LDLRAD4: variants seen among roughly 807,000 people sequenced by gnomAD.
LDLRAD4 encodes low density lipoprotein receptor class A domain containing 4, also known as low-density lipoprotein receptor class A domain-containing protein 4.
LDLRAD4 carries 5 observed loss-of-function variants against 17.0 expected under a neutral mutation model. The observed-to-expected ratio is 0.29, with a 90% CI of 0.15 to 0.62. The LOEUF (loss-of-function observed/expected upper bound fraction) is 0.62, where lower values mean the gene tolerates loss of function less well. LDLRAD4 is among the 20% of genes least tolerant of loss of function. The probability of loss-of-function intolerance (pLI) is 0.84; values close to 1 mark genes in which losing one functional copy is unlikely to be tolerated. For synonymous variants in LDLRAD4, 168 were observed against 171.8 expected, an observed-to-expected ratio of 0.98 and a Z score of 0.17; for missense variants, 340 against 424.7, an observed-to-expected ratio of 0.80 and a Z score of 1.75.
At chr18:13,449,292 C>T (rs777409770) in intron 3 of LDLRAD4, among the ~76,000 whole-genome samples, 3 of 152,196 alleles carry the variant, frequency 2.0e-5, no homozygotes, top group Non-Finnish European at 4.4e-5. Flanking sequence ...TTGCTGTTCA[C>T]ACCAGGACCA....
At chr18:13,387,848 C>T in intron 2 of LDLRAD4, 86 bp downstream of exon 3, 1 of 1,236,380 alleles carries the variant, frequency 8.1e-7, no homozygotes, top group Non-Finnish European at 1.2e-6. Context: ...GTGAACCTAC[C>T]TTTGCAGTCA....
At chr18:13,364,473 G>A (rs1019114822) in intron 1 of LDLRAD4, among the ~76,000 whole-genome samples, 2 of 152,084 alleles carry the variant, frequency 1.3e-5, no homozygotes, top group African/African-American at 4.8e-5. Context: ...GAGTAGCTGG[G>A]ACTAACAGCA....
intron 3 of LDLRAD4, among the ~76,000 whole-genome samples, chr18:13,494,486 TA>T (rs1360798054): frequency 6.6e-6 from 1 of 150,810 alleles, no homozygotes; most frequent in Admixed American, 6.7e-5. Flanking sequence ...TCTGCCCTCA[TA>T]AGACATCTTC....
chr18:13,452,520 A>G (rs914636382), intron 3 of LDLRAD4, among the ~76,000 whole-genome samples: 1 of 152,152 alleles, frequency 6.6e-6, no homozygotes, highest in Admixed American at 6.5e-5. Context: ...GAAGAACTCC[A>G]GTGCACAGGA....
intron 3 of LDLRAD4, among the ~76,000 whole-genome samples, chr18:13,590,061 C>CGGTG (rs2094993943): frequency 1.4e-5 from 2 of 143,728 alleles, no homozygotes; most frequent in African/African-American, 5.3e-5. Flanking sequence ...ATGTGTGTGA[C>CGGTG]TGCATGTGTG....
chr18:13,252,850 T>G (rs1001041061), intron 1 of LDLRAD4, among the ~76,000 whole-genome samples: 1 of 152,222 alleles, frequency 6.6e-6, no homozygotes, highest in African/African-American at 2.4e-5. Flanking sequence ...TGCGGAGCAG[T>G]GTTGCGCTGT....
intron 2 of LDLRAD4, among the ~76,000 whole-genome samples, chr18:13,388,028 C>A (rs1015281160): frequency 6.6e-6 from 1 of 152,196 alleles, no homozygotes; most frequent in Non-Finnish European, 1.5e-5. Flanking sequence ...CTGCAGTATT[C>A]GCAGCGTCTT....
At chr18:13,333,813 A>C (rs539539346) in intron 1 of LDLRAD4, among the ~76,000 whole-genome samples, 3 of 152,190 alleles carry the variant, frequency 2.0e-5, no homozygotes, top group Non-Finnish European at 2.9e-5. Context: ...GTAGATTTAT[A>C]ATAAGTCTTA....
At chr18:13,354,814 C>G (rs1056891162) in intron 1 of LDLRAD4, among the ~76,000 whole-genome samples, 1 of 152,202 alleles carries the variant, frequency 6.6e-6, no homozygotes, top group Non-Finnish European at 1.5e-5. Flanking sequence ...AGGGCTTGTG[C>G]TGTTAGATGA....
intron 1 of LDLRAD4, among the ~76,000 whole-genome samples, chr18:13,295,036 A>G (rs1338514513): frequency 6.6e-6 from 1 of 152,138 alleles, no homozygotes; most frequent in Non-Finnish European, 1.5e-5. Flanking sequence ...TTCATAGGTA[A>G]ACCCTTCTTG....
intron 1 of LDLRAD4, among the ~76,000 whole-genome samples, chr18:13,249,145 C>G (rs2043111742): frequency 6.6e-6 from 1 of 152,148 alleles, no homozygotes; most frequent in Non-Finnish European, 1.5e-5. Flanking sequence ...CTCTCTGCTC[C>G]TCTGTTGTGG....
intron 1 of LDLRAD4, among the ~76,000 whole-genome samples, chr18:13,294,938 G>C (rs2046187846): frequency 6.6e-6 from 1 of 152,246 alleles, no homozygotes; most frequent in Admixed American, 6.5e-5. Context: ...CTTAGGAAAA[G>C]GGAGTGTACT....
chr18:13,258,977 A>G (rs927068296), intron 1 of LDLRAD4, among the ~76,000 whole-genome samples: 3 of 152,240 alleles, frequency 2.0e-5, no homozygotes, highest in Non-Finnish European at 4.4e-5. Flanking sequence ...GATGCTGGAC[A>G]GCAGGTCTCT....
At chr18:13,384,141 G>A (rs114532301) in intron 1 of LDLRAD4, among the ~76,000 whole-genome samples, 79 of 152,330 alleles carry the variant, frequency 5.2e-4, no homozygotes, top group Middle Eastern at 3.4e-3. Context: ...AAGATGTAAA[G>A]TTAAGGATTG....
At chr18:13,483,051 G>A (rs1195337912) in intron 3 of LDLRAD4, among the ~76,000 whole-genome samples, 1 of 152,148 alleles carries the variant, frequency 6.6e-6, no homozygotes, top group Non-Finnish European at 1.5e-5. Context: ...GCAAGGTGGA[G>A]AGAGGCCTTG....
Position 13,536,993 on chromosome 18 carries a change from A to G in LDLRAD4, c.182-84124A>G, listed in dbSNP as rs1278724127. On this transcript the variant is annotated intron_variant, in intron 3 of 5. Coordinates refer to ENST00000359446, the Ensembl canonical transcript of LDLRAD4. ...AAATCCCATTTGGCCATGATGTATT[A>G]TTCCTTTTATATATTGTTAGATTCT... Among the ~76,000 whole-genome samples the G allele has an allele frequency of 1.3e-5, 2 of 152,186 alleles. 1 individual carries two copies. The highest frequency in any genetic ancestry group is 2.9e-5 in the Non-Finnish European group (2 of 68,034).
At chr18:13,295,395 A>C (rs974149837) in intron 1 of LDLRAD4, among the ~76,000 whole-genome samples, 5 of 152,184 alleles carry the variant, frequency 3.3e-5, no homozygotes, top group Non-Finnish European at 4.4e-5. Context: ...ACTGTGCCCG[A>C]GCCCAGGGAA....
intron 3 of LDLRAD4, among the ~76,000 whole-genome samples, chr18:13,604,225 C>T (rs1322689897): frequency 6.6e-6 from 1 of 152,140 alleles, no homozygotes; most frequent in Non-Finnish European, 1.5e-5. Flanking sequence ...AATGATTTGG[C>T]CAAGCTAAAG....
intron 2 of LDLRAD4, among the ~76,000 whole-genome samples, chr18:13,397,884 G>C (rs1249110336): frequency 6.6e-6 from 1 of 152,236 alleles, no homozygotes; most frequent in East Asian, 1.9e-4. Flanking sequence ...ATGCTATCTT[G>C]ATCTCAGCGC....
Sources: gnomAD v4.1 joint callset for allele counts (sites outside exome capture counted in the v4.1 genomes callset) on GRCh38, gnomAD v4.1.1 for gene constraint, MANE v1.5 for transcripts, NCBI Gene and HGNC (gene_info 2026-07-23, HGNC 2026-07-21) for gene names.